The following VWA3B variants were observed in gnomAD, a reference collection of about 807,000 sequenced individuals.
VWA3B encodes von Willebrand factor A domain containing 3B, also known as von Willebrand factor A domain-containing protein 3B.
A neutral mutation model predicts 158.3 loss-of-function variants in VWA3B; 138 were observed. That is an observed-to-expected ratio of 0.87 (90% CI 0.76 to 1.00). The LOEUF (loss-of-function observed/expected upper bound fraction) is 1.00. Ranked by LOEUF, VWA3B falls within the 50% of genes least tolerant of loss-of-function variation. The probability of loss-of-function intolerance (pLI) is 0.00; values close to 1 mark genes in which losing one functional copy is unlikely to be tolerated. For missense variants in VWA3B, 1,555 were observed against 1,565.1 expected (o/e 0.99, Z 0.11); for synonymous variants, 596 against 587.3 (o/e 1.01, Z -0.21).
chr2:98,115,548 C>G (rs747411322), intron 2 of VWA3B, 104 bp from the exon 3 acceptor site: 4 of 811,606 alleles, frequency 4.9e-6, no homozygotes, highest in Non-Finnish European at 8.1e-6. Context: ...ATTGATGGCA[C>G]AAGATATAAT....
At chr2:98,270,998 A>G in intron 22 of VWA3B, 115 bp downstream of exon 22, 1 of 1,065,274 alleles carries the variant, frequency 9.4e-7, no homozygotes, top group Non-Finnish European at 1.4e-6. Context: ...GATTTCTAAA[A>G]GTGTTAGAGC....
At chr2:98,275,076 G>T (rs1176144081) in intron 22 of VWA3B, among the ~76,000 whole-genome samples, 2 of 152,168 alleles carry the variant, frequency 1.3e-5, no homozygotes, top group African/African-American at 4.8e-5. Flanking sequence ...TTCACTACCT[G>T]ACATTATGTA....
downstream of VWA3B, among the ~76,000 whole-genome samples, chr2:98,317,607 C>A (rs1691116076): frequency 6.6e-6 from 1 of 152,238 alleles, no homozygotes; most frequent in Admixed American, 6.5e-5. Flanking sequence ...GATAATAAGT[C>A]TTTCAACCAA....
intron 21 of VWA3B, among the ~76,000 whole-genome samples, chr2:98,258,327 T>C (rs1687281003): frequency 6.6e-6 from 1 of 151,922 alleles, no homozygotes; most frequent in East Asian, 1.9e-4. Context: ...TCAAAATTGT[T>C]TGGGCTATTC....
chr2:98,248,753 C>T (rs574622653), intron 19 of VWA3B, among the ~76,000 whole-genome samples: 1 of 152,280 alleles, frequency 6.6e-6, no homozygotes, highest in African/African-American at 2.4e-5. Context: ...GTTTACATTT[C>T]TGCTCAGCTT....
chr2:98,315,571 A>T (rs1691069377), downstream of VWA3B, among the ~76,000 whole-genome samples: 1 of 152,214 alleles, frequency 6.6e-6, no homozygotes. Flanking sequence ...AAGATTCCAT[A>T]CTTCAAGTGA....
At chr2:98,259,514 A>T (rs62156740) in intron 21 of VWA3B, among the ~76,000 whole-genome samples, 1,594 of 151,836 alleles carry the variant, frequency 0.01, 18 homozygotes, top group Non-Finnish European at 0.017. Context: ...CATCTAGATT[A>T]TCTATTTTTG....
At chr2:98,107,244 T>C (rs933833815) in intron 2 of VWA3B, among the ~76,000 whole-genome samples, 17 of 152,172 alleles carry the variant, frequency 1.1e-4, no homozygotes, top group African/African-American at 3.9e-4. Context: ...GCTAATGTTG[T>C]GTTACGGATT....
At chr2:98,328,220 A>G in the VWA3B span, among the ~76,000 whole-genome samples, 1 of 152,176 alleles carries the variant, frequency 6.6e-6, no homozygotes, top group Admixed American at 6.5e-5. Context: ...ATAAATATCC[A>G]CAAAAAAAAT....
chr2:98,241,423 G>A (rs62156687), intron 19 of VWA3B, among the ~76,000 whole-genome samples: 5,708 of 151,806 alleles, frequency 0.038, 158 homozygotes, highest in Middle Eastern at 0.075. Context: ...TTGGAGAGGC[G>A]GGCAGTCAGG....
At chr2:98,295,185 C>T (rs376118377) in intron 23 of VWA3B, among the ~76,000 whole-genome samples, 1 of 151,828 alleles carries the variant, frequency 6.6e-6, no homozygotes, top group Non-Finnish European at 1.5e-5. Flanking sequence ...ATGACACTGC[C>T]GAGGAGTGGG....
chr2:98,131,626 T>C (rs535252573), intron 6 of VWA3B, among the ~76,000 whole-genome samples: 55 of 152,242 alleles, frequency 3.6e-4, no homozygotes, highest in Non-Finnish European at 6.6e-4. Context: ...TTTTTCTTTT[T>C]GATAACAGCC....
intron 14 of VWA3B, among the ~76,000 whole-genome samples, chr2:98,219,800 A>G (rs4132464): frequency 0.57 from 86,080 of 152,008 alleles, 24,815 homozygotes; most frequent in South Asian, 0.81. Context: ...ATACTGAGAG[A>G]CTGTCCACAT....
intron 14 of VWA3B, among the ~76,000 whole-genome samples, chr2:98,219,093 T>A (rs936089440): frequency 2.0e-5 from 3 of 152,102 alleles, no homozygotes; most frequent in Admixed American, 6.5e-5. Flanking sequence ...ATTCACCACT[T>A]AACAAAGTAA....
At chr2:98,297,000 C>A (rs902648228) in intron 23 of VWA3B, among the ~76,000 whole-genome samples, 6 of 150,494 alleles carry the variant, frequency 4.0e-5, no homozygotes, top group Non-Finnish European at 5.9e-5. Context: ...TGGCAAAAAC[C>A]GCAATTATTT....
intron 5 of VWA3B, 139 bp from the exon 6 acceptor site, chr2:98,128,100 A>C (rs1379765434): frequency 9.6e-7 from 1 of 1,044,874 alleles, no homozygotes; most frequent in Non-Finnish European, 1.4e-6. Flanking sequence ...TGATGTCCTC[A>C]GAAAACCCTG....
chr2:98,300,366 C>T, intron 25 of VWA3B, 150 bp downstream of exon 25: 1 of 1,149,102 alleles, frequency 8.7e-7, no homozygotes, highest in Non-Finnish European at 1.2e-6. Flanking sequence ...CCCACCGTGC[C>T]ACACAGACCC....
At chr2:98,230,974 C>T (rs1220635305) in intron 16 of VWA3B, among the ~76,000 whole-genome samples, 1 of 152,194 alleles carries the variant, frequency 6.6e-6, no homozygotes, top group Admixed American at 6.5e-5. Context: ...ACGCACAAAA[C>T]CAATTGCATT....
chr2:98,119,001 C>G (rs1333100592), intron 3 of VWA3B, among the ~76,000 whole-genome samples: 1 of 152,174 alleles, frequency 6.6e-6, no homozygotes, highest in Non-Finnish European at 1.5e-5. Context: ...TGCAGGAGAG[C>G]TTCACCCGAG....
Sources: gnomAD v4.1 joint callset for allele counts (sites outside exome capture counted in the v4.1 genomes callset) on GRCh38, gnomAD v4.1.1 for gene constraint, MANE v1.5 for transcripts, NCBI Gene and HGNC (gene_info 2026-07-23, HGNC 2026-07-21) for gene names.